Variants in SAMD12 observed in about 807,000 individuals in gnomAD.
SAMD12 encodes sterile alpha motif domain-containing protein 12.
SAMD12 carries 9 observed loss-of-function variants against 15.0 expected under a neutral mutation model. The ratio of observed to expected loss-of-function variants is 0.60; its 90% CI spans 0.36 to 1.05. The LOEUF (loss-of-function observed/expected upper bound fraction) is 1.05. Ranked by LOEUF, SAMD12 falls within the 50% of genes least tolerant of loss-of-function variation. The probability of loss-of-function intolerance (pLI) is 0.01; values close to 1 mark genes in which losing one functional copy is unlikely to be tolerated. For missense variants in SAMD12, 230 were observed against 234.2 expected (o/e 0.98, Z 0.12); for synonymous variants, 86 against 90.1 (o/e 0.96, Z 0.25).
At chr8:118,511,186 G>A (rs932015724) in intron 2 of SAMD12, among the ~76,000 whole-genome samples, 1 of 152,150 alleles carries the variant, frequency 6.6e-6, no homozygotes, top group Non-Finnish European at 1.5e-5. Flanking sequence ...CAACCTTAAA[G>A]CTGCAGAGAT....
chr8:118,569,908 G>A (rs1186862786), intron 2 of SAMD12, among the ~76,000 whole-genome samples: 3 of 152,156 alleles, frequency 2.0e-5, no homozygotes, highest in Non-Finnish European at 4.4e-5. Context: ...ATTTGAAAAC[G>A]ATTTCTAATC....
At chr8:118,354,756 A>G (rs1251641091) in intron 4 of SAMD12, among the ~76,000 whole-genome samples, 1 of 152,198 alleles carries the variant, frequency 6.6e-6, no homozygotes, top group Admixed American at 6.5e-5. Flanking sequence ...ACTTAATTAT[A>G]TATGGCTCAA....
chr8:118,490,795 C>T (rs1824420402), intron 2 of SAMD12, among the ~76,000 whole-genome samples: 1 of 152,144 alleles, frequency 6.6e-6, no homozygotes, highest in South Asian at 2.1e-4. Flanking sequence ...CAGAAATTGC[C>T]AAAGAACACT....
At chr8:118,193,403 T>C (rs1819462308) in exon 5 of SAMD12, 1 of 152,200 alleles carries the variant, frequency 6.6e-6, no homozygotes, top group Admixed American at 6.5e-5. Context: ...ATCATGTGCG[T>C]TGATAAACCA....
At chr8:118,380,821 T>C (rs1427086148) in intron 3 of SAMD12, among the ~76,000 whole-genome samples, 1 of 152,212 alleles carries the variant, frequency 6.6e-6, no homozygotes, top group Non-Finnish European at 1.5e-5. Flanking sequence ...TCCTTCCTTT[T>C]AACCTTTGCT....
chr8:118,604,733 A>G (rs1389646638), intron 1 of SAMD12, among the ~76,000 whole-genome samples: 1 of 152,050 alleles, frequency 6.6e-6, no homozygotes, highest in Non-Finnish European at 1.5e-5. Context: ...CATCCTGGCT[A>G]ACACAGTGAA....
intron 3 of SAMD12, among the ~76,000 whole-genome samples, chr8:118,390,796 A>G (rs560278963): frequency 6.6e-6 from 1 of 152,306 alleles, no homozygotes; most frequent in African/African-American, 2.4e-5. Context: ...GAGAAGGGTT[A>G]ATGGAAATTT....
exon 5 of SAMD12, chr8:118,192,249 A>G (rs1326463730): frequency 1.3e-5 from 2 of 152,112 alleles, no homozygotes; most frequent in African/African-American, 2.4e-5. Flanking sequence ...AAATGCAATC[A>G]TATTACAGAT....
chr8:118,582,555 C>T (rs1286196157), intron 1 of SAMD12, among the ~76,000 whole-genome samples: 1 of 152,296 alleles, frequency 6.6e-6, no homozygotes, highest in Admixed American at 6.5e-5. Context: ...TTTAGTGGTA[C>T]ACTCTGGGCA....
intron 4 of SAMD12, among the ~76,000 whole-genome samples, chr8:118,262,071 A>G (rs1025024862): frequency 3.9e-5 from 6 of 152,122 alleles, no homozygotes; most frequent in Non-Finnish European, 8.8e-5. Context: ...GAATACAGAC[A>G]GAGGCAGGAT....
At chr8:118,282,276 C>A (rs1167646854) in intron 4 of SAMD12, 3 of 456,150 alleles carry the variant, frequency 6.6e-6, no homozygotes, top group East Asian at 7.0e-5. Context: ...TAACTTGGGT[C>A]ATTTAAGTGC....
intron 4 of SAMD12, among the ~76,000 whole-genome samples, chr8:118,203,448 A>G (rs1819770064): frequency 1.3e-5 from 2 of 151,952 alleles, no homozygotes; most frequent in African/African-American, 4.8e-5. Context: ...ATGGGTAGAA[A>G]CCCATTAAAC....
chr8:118,171,270 C>T, the SAMD12 span, among the ~76,000 whole-genome samples: 29 of 152,150 alleles, frequency 1.9e-4, no homozygotes, highest in African/African-American at 7.0e-4. Flanking sequence ...TCTGAGAGGT[C>T]CTTAAAATGA....
intron 1 of SAMD12, among the ~76,000 whole-genome samples, chr8:118,604,042 T>C (rs1472069864): frequency 6.6e-6 from 1 of 152,242 alleles, no homozygotes; most frequent in Non-Finnish European, 1.5e-5. Flanking sequence ...TTATACTTCC[T>C]GGCATATAGT....
chr8:118,244,430 GAACACTTAT>G (rs1404651599), intron 4 of SAMD12, among the ~76,000 whole-genome samples: 3 of 152,040 alleles, frequency 2.0e-5, no homozygotes, highest in Non-Finnish European at 4.4e-5. Flanking sequence ...CATTTGCAAG[GAACACTTAT>G]ATATCTGTCT....
chr8:118,270,348 T>C (rs183161411), intron 4 of SAMD12, among the ~76,000 whole-genome samples: 2 of 152,200 alleles, frequency 1.3e-5, no homozygotes, highest in Admixed American at 1.3e-4. Flanking sequence ...TTTTCTTTCC[T>C]TTTATATGTT....
intron 1 of SAMD12, among the ~76,000 whole-genome samples, chr8:118,617,878 C>A (rs771009245): frequency 1.3e-5 from 2 of 152,124 alleles, no homozygotes; most frequent in African/African-American, 2.4e-5. Context: ...AATAATATTG[C>A]AACCCATTTC....
At chr8:118,466,593 A>T (rs1043506030) in intron 2 of SAMD12, among the ~76,000 whole-genome samples, 4 of 152,230 alleles carry the variant, frequency 2.6e-5, no homozygotes, top group Admixed American at 6.5e-5. Flanking sequence ...TAAATATCTT[A>T]AAAGACAATT....
the SAMD12 span, among the ~76,000 whole-genome samples, chr8:118,179,798 G>A: frequency 6.6e-6 from 1 of 152,110 alleles, no homozygotes; most frequent in Non-Finnish European, 1.5e-5. Context: ...AGGATTTTTG[G>A]ATCAAAACTG....
Sources: allele counts gnomAD v4.1 joint callset (sites outside exome capture counted in the v4.1 genomes callset), GRCh38; gene constraint gnomAD v4.1.1; transcripts MANE v1.5; gene names NCBI Gene and HGNC (gene_info 2026-07-23, HGNC 2026-07-21).